The following PDK1 variants were observed in gnomAD, a reference collection of about 807,000 sequenced individuals.
PDK1 encodes the protein pyruvate dehydrogenase kinase 1.
A neutral mutation model predicts 54.2 loss-of-function variants in PDK1; 39 were observed. The observed-to-expected ratio is 0.72, with a 90% CI of 0.56 to 0.94. The LOEUF (loss-of-function observed/expected upper bound fraction) is 0.94, where lower values mean the gene tolerates loss of function less well. Among genes scored for constraint, PDK1 ranks in the 40% least tolerant of loss-of-function variants. PDK1 has a pLI of 0.00. For synonymous variants in PDK1, 221 were observed against 207.1 expected, an observed-to-expected ratio of 1.07 and a Z score of -0.58; for missense variants, 552 against 566.0, an observed-to-expected ratio of 0.98 and a Z score of 0.25.
the PDK1 span, among the ~76,000 whole-genome samples, chr2:172,698,549 T>G: frequency 6.6e-6 from 1 of 152,228 alleles, no homozygotes; most frequent in Non-Finnish European, 1.5e-5. Flanking sequence ...CTTCTAAGCC[T>G]AATGGTTGGA....
intron 8 of PDK1, among the ~76,000 whole-genome samples, chr2:172,577,977 A>G (rs902029641): frequency 1.3e-5 from 2 of 152,142 alleles, no homozygotes; most frequent in African/African-American, 2.4e-5. Flanking sequence ...TTCAGCCTGA[A>G]GGATTCCCTT....
chr2:172,580,801 A>G (rs1689860931), intron 8 of PDK1, among the ~76,000 whole-genome samples: 1 of 152,220 alleles, frequency 6.6e-6, no homozygotes, highest in Non-Finnish European at 1.5e-5. Context: ...GATAAATGCT[A>G]CAAACTGGTT....
At chr2:172,692,436 G>T in the PDK1 span, among the ~76,000 whole-genome samples, 20 of 152,164 alleles carry the variant, frequency 1.3e-4, no homozygotes, top group African/African-American at 4.6e-4. Flanking sequence ...CACTAAATAT[G>T]TCTGCAAGAA....
At chr2:172,687,047 C>T in the PDK1 span, among the ~76,000 whole-genome samples, 1 of 152,126 alleles carries the variant, frequency 6.6e-6, no homozygotes, top group African/African-American at 2.4e-5. Flanking sequence ...TGAGCTCATT[C>T]ATAAGAAGTA....
At chr2:172,622,613 A>AGATGTTTATATCTCATATATTATGT in the PDK1 span, among the ~76,000 whole-genome samples, 1 of 146,192 alleles carries the variant, frequency 6.8e-6, no homozygotes, top group Non-Finnish European at 1.5e-5. Context: ...ATATTATGTG[A>AGATGTTTATATCTCATATATTATGT]GATATGTTTA....
the PDK1 span, among the ~76,000 whole-genome samples, chr2:172,632,423 C>T: frequency 1.3e-5 from 2 of 152,116 alleles, no homozygotes; most frequent in African/African-American, 2.4e-5. Flanking sequence ...GATCTTCCTT[C>T]GTGAAAGAAT....
intron 10 of PDK1, among the ~76,000 whole-genome samples, chr2:172,595,210 C>G (rs942600677): frequency 6.6e-6 from 1 of 152,138 alleles, no homozygotes. Flanking sequence ...GTTAGGACTA[C>G]ACCCATGTGC....
the PDK1 span, among the ~76,000 whole-genome samples, chr2:172,669,128 C>T: frequency 1.4e-5 from 2 of 141,092 alleles, no homozygotes; most frequent in Non-Finnish European, 3.0e-5. Context: ...GGCGCAATCT[C>T]GGCTCACTGC....
chr2:172,600,251 C>CT lies in PDK1; in HGVS notation c.*4284dup, dbSNP rs1424398633. On this transcript the variant is annotated 3_prime_UTR_variant, in exon 11 of 11. Coordinates refer to ENST00000282077, the MANE Select transcript of PDK1 (RefSeq NM_002610.5). ...ACAGTTATAGTACTACATGAAAATACTTAATATAGAGTTCTACAGTTACAG... is the reference window on the plus strand; with the variant it reads ...ACAGTTATAGTACTACATGAAAATACTTTAATATAGAGTTCTACAGTTACAG... The CT allele has an allele frequency of 6.6e-6, 1 of 152,058 alleles. No individual in the cohort carries two copies. The highest frequency in any genetic ancestry group is 2.4e-5 in the African/African-American group (1 of 41,366). 9.4% of individuals were successfully genotyped at this position (152,058 alleles called of 1,614,324 possible).
At chr2:172,587,303 C>A (rs1013258215) in intron 9 of PDK1, among the ~76,000 whole-genome samples, 1 of 152,168 alleles carries the variant, frequency 6.6e-6, no homozygotes, top group African/African-American at 2.4e-5. Context: ...TTGCTGGCTT[C>A]AGGAGTGAAG....
chr2:172,664,328 A>AAAAAAC, the PDK1 span, among the ~76,000 whole-genome samples: 1 of 150,568 alleles, frequency 6.6e-6, no homozygotes, highest in Non-Finnish European at 1.5e-5. Context: ...AAAAAAAAAA[A>AAAAAAC]AAAAAAGCAT....
chr2:172,634,297 G>A, the PDK1 span, among the ~76,000 whole-genome samples: 4 of 24,340 alleles, frequency 1.6e-4, no homozygotes, highest in Non-Finnish European at 3.9e-4. Context: ...TTTGGAGACC[G>A]AGTCTCGCTC....
chr2:172,700,018 A>C, the PDK1 span, among the ~76,000 whole-genome samples: 318 of 152,264 alleles, frequency 2.1e-3, 1 homozygote, highest in Non-Finnish European at 3.6e-3. Flanking sequence ...CACCGCCCTT[A>C]ATCCATTTAA....
At chr2:172,711,557 A>G in the PDK1 span, among the ~76,000 whole-genome samples, 1 of 152,206 alleles carries the variant, frequency 6.6e-6, no homozygotes, top group African/African-American at 2.4e-5. Flanking sequence ...ATAAATTTAT[A>G]GAAGGCTGTC....
the PDK1 span, among the ~76,000 whole-genome samples, chr2:172,708,231 A>G: frequency 2.0e-5 from 3 of 151,968 alleles, no homozygotes; most frequent in Non-Finnish European, 2.9e-5. Flanking sequence ...AGAGGCTGCA[A>G]TGAGCAATAA....
At chr2:172,556,480 A>T (rs923919233) in intron 1 of PDK1, 134 bp downstream of exon 1, 13 of 579,142 alleles carry the variant, frequency 2.2e-5, no homozygotes, top group Non-Finnish European at 3.2e-5. Context: ...TTCCGCCCCC[A>T]GCGCCTTAGG....
chr2:172,651,396 A>C, the PDK1 span, among the ~76,000 whole-genome samples: 1 of 152,342 alleles, frequency 6.6e-6, no homozygotes, highest in African/African-American at 2.4e-5. Flanking sequence ...TTGACACCCT[A>C]ACATCAAAAT....
chr2:172,634,772 C>CAAAAAAAAAA, the PDK1 span, among the ~76,000 whole-genome samples: 5 of 129,748 alleles, frequency 3.9e-5, no homozygotes, highest in African/African-American at 1.5e-4. Context: ...TCTTAAAATG[C>CAAAAAAAAAA]AAAAAAAAAA....
intron 10 of PDK1, among the ~76,000 whole-genome samples, chr2:172,594,717 T>C (rs1220486733): frequency 6.6e-6 from 1 of 152,204 alleles, no homozygotes; most frequent in Non-Finnish European, 1.5e-5. Flanking sequence ...ATCAAAGACT[T>C]TAGCATTATC....
Sources: gnomAD v4.1 joint callset for allele counts (sites outside exome capture counted in the v4.1 genomes callset) on GRCh38, gnomAD v4.1.1 for gene constraint, MANE v1.5 for transcripts, NCBI Gene and HGNC (gene_info 2026-07-23, HGNC 2026-07-21) for gene names.